The following PRPF39 variants were observed in gnomAD, a reference collection of about 807,000 sequenced individuals.
PRPF39 encodes pre-mRNA processing factor 39.
Under a neutral mutation model 82.1 loss-of-function variants are expected in PRPF39, and 27 were observed. That is an observed-to-expected ratio of 0.33 (90% confidence interval 0.24 to 0.45). PRPF39 has a LOEUF of 0.45. Ranked by LOEUF, PRPF39 falls within the 20% of genes least tolerant of loss-of-function variation. The pLI, the probability that PRPF39 is intolerant of heterozygous loss-of-function variation, is 1.00. For synonymous variants in PRPF39, 261 were observed against 256.4 expected (o/e 1.02, Z -0.17); for missense variants, 581 against 796.9 (o/e 0.73, Z 3.26).
At chr14:45,092,021 C>T (rs1884044459) in intron 1 of PRPF39, among the ~76,000 whole-genome samples, 1 of 152,188 alleles carries the variant, frequency 6.6e-6, no homozygotes, top group East Asian at 1.9e-4. Flanking sequence ...ACTTCATGGA[C>T]ATGAATCGTT....
intron 1 of PRPF39, among the ~76,000 whole-genome samples, chr14:45,094,204 T>A (rs117107185): frequency 0.044 from 6,743 of 151,924 alleles, 217 homozygotes; most frequent in South Asian, 0.12. Context: ...TTCCTCATTT[T>A]AAAAAAAATG....
chr14:45,085,653 T>G (rs1883800471), intron 1 of PRPF39, among the ~76,000 whole-genome samples: 1 of 152,182 alleles, frequency 6.6e-6, no homozygotes, highest in African/African-American at 2.4e-5. Flanking sequence ...GAACACAGTG[T>G]TTAATATGTA....
In PRPF39 at chr14:45,112,381, GAAGAA is replaced by G; in HGVS notation, c.1639_1643del (p.Glu547TyrfsTer6). On this transcript the variant is annotated frameshift_variant, in exon 11 of 14. Transcript: ENST00000355765. LOFTEE classifies it high-confidence loss of function. ...ATATAGTGGTGACCTCAAACAAAAT[GAAGAA>G]AATATCCTAAATTGTTTTGACAAAG... The G allele has an allele frequency of 6.3e-7, 1 of 1,583,118 alleles. No individual in the cohort carries two copies. Among genetic ancestry groups the G allele is most frequent in the Non-Finnish European group, 8.5e-7 (1 of 1,171,022 alleles).
intron 1 of PRPF39, among the ~76,000 whole-genome samples, chr14:45,089,707 G>A (rs983960430): frequency 2.0e-5 from 3 of 152,052 alleles, no homozygotes; most frequent in Non-Finnish European, 2.9e-5. Flanking sequence ...TGCCTGGCCC[G>A]TTTTATTTCT....
At chr14:45,098,438 C>A (rs540677983) in intron 4 of PRPF39, among the ~76,000 whole-genome samples, 1 of 149,514 alleles carries the variant, frequency 6.7e-6, no homozygotes, top group African/African-American at 2.4e-5. Context: ...CAGAGCAAGA[C>A]CCTGTCTCAA....
intron 1 of PRPF39, among the ~76,000 whole-genome samples, chr14:45,089,594 G>A (rs933716901): frequency 1.3e-5 from 2 of 152,108 alleles, no homozygotes; most frequent in Non-Finnish European, 2.9e-5. Context: ...GTATTTTTTT[G>A]TAGAGAATGG....
intron 12 of PRPF39, 81 bp downstream of exon 12, chr14:45,114,338 T>G: frequency 7.2e-7 from 1 of 1,387,340 alleles, no homozygotes; most frequent in South Asian, 1.3e-5. Flanking sequence ...AAGTGTTACT[T>G]TTATGTTGTA....
chr14:45,110,193 C>G lies in PRPF39; in HGVS notation c.1276C>G (p.Leu426Val). ...HLPKKPMVHM[L>V]WAAFEEQQGN... ...CCCAAAGAAACCCATGGTGCATATG[C>G]TTTGGGCAGCTTTTGAGGAACAGCA... The change falls in exon 9 of 14, where the codon CTT becomes GTT. Residue 426 changes from leucine to valine, a missense_variant. Coordinates refer to ENST00000355765, the MANE Select transcript of PRPF39 (RefSeq NM_017922.4). The surrounding 1 kb of genome is among the most constrained non-coding windows in gnomAD (Gnocchi z 4.0). 6.2e-7 allele frequency: 1 copy of G among 1,613,758 alleles called. No homozygotes were observed. Among genetic ancestry groups the G allele is most frequent in the African/African-American group, 1.3e-5 (1 of 75,008 alleles).
At chr14:45,094,378 T>A (rs1483366509) in intron 1 of PRPF39, among the ~76,000 whole-genome samples, 1 of 152,214 alleles carries the variant, frequency 6.6e-6, no homozygotes, top group Non-Finnish European at 1.5e-5. Context: ...ATTATGTAGT[T>A]ATTATCCAGA....
chr14:45,085,752 T>A (rs764412176), intron 1 of PRPF39, among the ~76,000 whole-genome samples: 5 of 152,164 alleles, frequency 3.3e-5, no homozygotes, highest in Non-Finnish European at 7.3e-5. Flanking sequence ...TCTTCTTACA[T>A]CCCAAATCTC....
rs982409511 is a variant in PRPF39, at chr14:45,095,508, A to G, written c.269A>G (p.Asn90Ser). Residue 90 changes from asparagine (N) to serine (S), a missense_variant, in exon 2 of 14, where the codon AAT (asparagine) becomes AGT (serine). By Grantham distance (46) the Asn-to-Ser change is conservative. Coordinates refer to ENST00000355765, the MANE Select transcript of PRPF39 (RefSeq NM_017922.4). Reference sequence around the variant, plus strand: ...GAAAAATTTTGGAAAACTGTAGAAAATAATCCTCAGGATTTTACAGGCTGG... The same window carrying G: ...GAAAAATTTTGGAAAACTGTAGAAAGTAATCCTCAGGATTTTACAGGCTGG... ...EYEKFWKTVE[N>S]NPQDFTGWVY... 6 of 1,613,150 alleles carry G rather than the reference A, an allele frequency of 3.7e-6. No individual in the cohort carries two copies. The highest frequency in any genetic ancestry group is 3.4e-6 in the Non-Finnish European group (4 of 1,179,456).
chr14:45,111,200 A>G (rs1884686051), intron 10 of PRPF39, among the ~76,000 whole-genome samples: 2 of 152,232 alleles, frequency 1.3e-5, no homozygotes, highest in South Asian at 4.1e-4. Flanking sequence ...GCTTCTCCAT[A>G]GAGTACTTTT....
chr14:45,109,913 C>T, intron 8 of PRPF39, 133 bp downstream of exon 8: 2 of 1,514,626 alleles, frequency 1.3e-6, no homozygotes, highest in South Asian at 2.6e-5. Context: ...TGCTTGCAAC[C>T]AGATTTGACT....
chr14:45,109,903 T>A, intron 8 of PRPF39, 123 bp downstream of exon 8: 1 of 1,513,698 alleles, frequency 6.6e-7, no homozygotes, highest in African/African-American at 1.4e-5. Context: ...GGAGATGGTC[T>A]GCTTGCAACC....
chr14:45,094,957 T>C (rs972953207), intron 1 of PRPF39, among the ~76,000 whole-genome samples: 2 of 152,238 alleles, frequency 1.3e-5, no homozygotes, highest in Non-Finnish European at 2.9e-5. Flanking sequence ...AGTGTACTTA[T>C]TTGTTGTTTG....
intron 2 of PRPF39, 139 bp from the exon 3 acceptor site, chr14:45,095,964 C>A: frequency 1.6e-6 from 1 of 628,040 alleles, no homozygotes; most frequent in Non-Finnish European, 2.5e-6. Context: ...GCTGCTCCAT[C>A]GGCAGAGCAG....
At position 45,098,062 on chromosome 14, in the gene PRPF39, A is replaced by G. The variant is rs1432657530; in HGVS notation, c.569+1057A>G. Among the ~76,000 whole-genome samples, 6 of 152,234 alleles carry G rather than the reference A, an allele frequency of 3.9e-5. No homozygotes were observed. The East Asian group carries it at 7.7e-4, about 20-fold the overall frequency. ...TGTTTTCTCATTCCTTATCTTTCCA[A>G]TATAGCTACAGAATAGGTTTCAATA... On this transcript the variant is annotated intron_variant, in intron 4 of 13. Transcript: ENST00000355765.
chr14:45,103,395 T>C (rs766825397), intron 5 of PRPF39, among the ~76,000 whole-genome samples: 4 of 152,108 alleles, frequency 2.6e-5, no homozygotes, highest in Non-Finnish European at 5.9e-5. Context: ...TGGCATGTTT[T>C]CTATTTTTTG....
chr14:45,110,922 T>A lies in PRPF39; in HGVS notation c.1572+105T>A. On this transcript the variant is annotated intron_variant, in intron 10 of 13. Transcript: ENST00000355765. The surrounding 1 kb of genome is among the most constrained non-coding windows in gnomAD (Gnocchi z 4.0). ...AAAGATTTGGTCTGTATGTAATAGA[T>A]TTTATTACTAAATGAGGACAACAGT... 2 of 1,105,184 alleles carry A rather than the reference T, an allele frequency of 1.8e-6. No homozygotes were observed. The highest frequency in any genetic ancestry group is 2.5e-6 in the Non-Finnish European group (2 of 791,542). The allele number at this position is 1,105,184 out of a possible 1,614,324, so 68.5% of individuals were successfully genotyped here. A position where few individuals can be genotyped will look rare whatever the true frequency, so the allele number is the denominator to read the frequency against.
Sources: allele counts gnomAD v4.1 joint callset (sites outside exome capture counted in the v4.1 genomes callset), GRCh38; gene constraint gnomAD v4.1.1; non-coding constraint Gnocchi (gnomAD v3.1); transcripts MANE v1.5; gene names NCBI Gene and HGNC (gene_info 2026-07-23, HGNC 2026-07-21).